CNOT4: variants seen among roughly 807,000 people sequenced by gnomAD.
CNOT4 encodes the protein CCR4-NOT transcription complex subunit 4.
In CNOT4, 8 loss-of-function variants were observed where a neutral mutation model predicts 73.8. That is an observed-to-expected ratio of 0.11 (90% CI 0.06 to 0.20). CNOT4 has a LOEUF of 0.20. CNOT4 is among the 10% of genes least tolerant of loss of function. The probability of loss-of-function intolerance (pLI) is 1.00; values close to 1 mark genes in which losing one functional copy is unlikely to be tolerated. For synonymous variants in CNOT4, 293 were observed against 321.1 expected (o/e 0.91, Z 0.94); for missense variants, 564 against 883.4 (o/e 0.64, Z 4.58).
chr7:135,491,172 G>A (rs1803085864), intron 1 of CNOT4, among the ~76,000 whole-genome samples: 1 of 152,172 alleles, frequency 6.6e-6, no homozygotes, highest in Non-Finnish European at 1.5e-5. Flanking sequence ...ATGTTTAAGA[G>A]CCATTCAACA....
chr7:135,455,137 A>C (rs2129486062), intron 1 of CNOT4, among the ~76,000 whole-genome samples: 1 of 151,914 alleles, frequency 6.6e-6, no homozygotes, highest in African/African-American at 2.4e-5. Flanking sequence ...AGCCAGGCAC[A>C]GTGGTGTGTG....
intron 1 of CNOT4, among the ~76,000 whole-genome samples, chr7:135,486,956 T>C (rs917228583): frequency 5.3e-5 from 8 of 152,116 alleles, no homozygotes; most frequent in African/African-American, 1.7e-4. Context: ...TCCAGAAAAT[T>C]AACAAGCAGT....
intron 2 of CNOT4, among the ~76,000 whole-genome samples, chr7:135,436,490 G>A (rs200647102): frequency 2.1e-5 from 3 of 141,820 alleles, no homozygotes. Context: ...AATGACTGGG[G>A]AACCAATTTC....
chr7:135,442,210 T>C (rs1799519433), intron 1 of CNOT4, among the ~76,000 whole-genome samples: 2 of 152,204 alleles, frequency 1.3e-5, no homozygotes, highest in African/African-American at 2.4e-5. Flanking sequence ...GCTTTTAAAA[T>C]AAGCTTTGAA....
At chr7:135,372,559 T>TTC (rs1436581200) in intron 10 of CNOT4, among the ~76,000 whole-genome samples, 2 of 151,302 alleles carry the variant, frequency 1.3e-5, no homozygotes, top group East Asian at 3.9e-4. Flanking sequence ...TACCATGTTT[T>TTC]TTTTTTTTTT....
intron 1 of CNOT4, among the ~76,000 whole-genome samples, chr7:135,465,647 G>C (rs767221311): frequency 5.3e-5 from 8 of 152,006 alleles, no homozygotes; most frequent in Non-Finnish European, 8.8e-5. Flanking sequence ...TGTCCAGTGG[G>C]ACAAGATATG....
chr7:135,469,664 G>A (rs184990560), intron 1 of CNOT4, among the ~76,000 whole-genome samples: 9 of 152,082 alleles, frequency 5.9e-5, no homozygotes, highest in African/African-American at 2.2e-4. Context: ...CTATGGTCCA[G>A]GGGAAAATAG....
intron 1 of CNOT4, among the ~76,000 whole-genome samples, chr7:135,499,271 CTAG>C (rs1563085716): frequency 6.6e-6 from 1 of 152,094 alleles, no homozygotes; most frequent in Non-Finnish European, 1.5e-5. Flanking sequence ...GCCTCTCCAA[CTAG>C]TAATGACAGC....
In CNOT4 at chr7:135,364,086, A is replaced by C; in HGVS notation, c.1628-20T>G. The C allele has an allele frequency of 6.6e-7, 1 of 1,520,458 alleles. No individual in the cohort carries two copies. Among genetic ancestry groups the C allele is most frequent in the Non-Finnish European group, 8.9e-7 (1 of 1,126,098 alleles). 94.2% of individuals were successfully genotyped at this position (1,520,458 alleles called of 1,614,324 possible). A position where few individuals can be genotyped will look rare whatever the true frequency, so the allele number is the denominator to read the frequency against. On this transcript the variant is annotated intron_variant, in intron 10 of 11. Coordinates refer to ENST00000541284, the MANE Select transcript of CNOT4 (RefSeq NM_001190850.2). The surrounding 1 kb of genome is among the most constrained non-coding windows in gnomAD (Gnocchi z 4.3). ...TGTTGTCTGGGAGATTTACCAACAA[A>C]AAAATGAAAGATAAAAAAAAATAAA...
chr7:135,414,293 CT>C (rs1797732556), intron 5 of CNOT4, 37 bp downstream of exon 5: 6 of 776,402 alleles, frequency 7.7e-6, no homozygotes, highest in Non-Finnish European at 1.1e-5. Flanking sequence ...TCTCGTCTTC[CT>C]TAAAAAAAAA....
chr7:135,475,773 T>A (rs1250939418), intron 1 of CNOT4, among the ~76,000 whole-genome samples: 1 of 152,028 alleles, frequency 6.6e-6, no homozygotes, highest in Non-Finnish European at 1.5e-5. Context: ...CAGCCACGCA[T>A]GGTGGTGCAC....
At chr7:135,395,497 G>T in intron 9 of CNOT4, 137 bp downstream of exon 9, 1 of 969,486 alleles carries the variant, frequency 1.0e-6, no homozygotes. Context: ...ATTCCATGTA[G>T]TTTAAATATT....
chr7:135,491,350 G>C (rs1404915813), intron 1 of CNOT4, among the ~76,000 whole-genome samples: 4 of 152,202 alleles, frequency 2.6e-5, no homozygotes, highest in East Asian at 1.9e-4. Context: ...CCAATGTTTA[G>C]AGGTAGGCAA....
chr7:135,472,345 C>T lies in CNOT4; in HGVS notation c.-92-33922G>A, dbSNP rs1438098835. Among the ~76,000 whole-genome samples, 9 of 148,246 alleles carry T rather than the reference C, an allele frequency of 6.1e-5. No individual in the cohort carries two copies. In the East Asian group the frequency reaches 1.2e-3, roughly 20 times the overall value. On this transcript the variant is annotated intron_variant, in intron 1 of 11. Coordinates refer to ENST00000541284, the MANE Select transcript of CNOT4 (RefSeq NM_001190850.2). ...ACAAAAAATTAGCCAGGCGTGGTGG[C>T]GGGCACCTGTAGTCCCAGCTACTCA...
Position 135,373,295 on chromosome 7 carries a change from G to C in CNOT4, c.1628-9229C>G, listed in dbSNP as rs1795321866. ...ACAGGAGAAAAGGCAGGGCAATGTA[G>C]TTCCATGTTCATTTTGCTTCCTTCT... On this transcript the variant is annotated intron_variant, in intron 10 of 11. Coordinates refer to ENST00000541284, the MANE Select transcript of CNOT4 (RefSeq NM_001190850.2). Among the ~76,000 whole-genome samples, 4 of 152,342 alleles carry C rather than the reference G, an allele frequency of 2.6e-5. No individual in the cohort carries two copies. The South Asian group carries it at 8.3e-4, about 32-fold the overall frequency.
At chr7:135,463,493 G>A (rs552634293) in intron 1 of CNOT4, among the ~76,000 whole-genome samples, 60 of 284 alleles carry the variant, frequency 0.21, no homozygotes, top group African/African-American at 0.31. Flanking sequence ...AGCCGAGATC[G>A]CGCCATGCAC....
intron 10 of CNOT4, among the ~76,000 whole-genome samples, chr7:135,379,228 T>C (rs1185661757): frequency 6.6e-6 from 1 of 152,174 alleles, no homozygotes; most frequent in Non-Finnish European, 1.5e-5. Flanking sequence ...CCTGAAAGCG[T>C]GTTATAAAAC....
intron 7 of CNOT4, among the ~76,000 whole-genome samples, chr7:135,409,398 C>A (rs917910819): frequency 6.6e-6 from 1 of 152,024 alleles, no homozygotes; most frequent in African/African-American, 2.4e-5. Context: ...CTTTATGTTT[C>A]GCTTTGTGGC....
In CNOT4 at chr7:135,380,859, T is replaced by C. The variant is rs115455329; in HGVS notation, c.1627+13059A>G. Among the ~76,000 whole-genome samples the C allele has an allele frequency of 7.8e-3, 1,183 of 152,288 alleles. 19 individuals carry two copies. The highest frequency in any genetic ancestry group is 0.027 in the African/African-American group (1,128 of 41,522). On this transcript the variant is annotated intron_variant, in intron 10 of 11. Transcript: ENST00000541284. ...TTTAAAAGGATTGTTAAAGACTATGTTATATTTATTTATTCATAGCTCTGA... is the reference window on the plus strand; with the variant it reads ...TTTAAAAGGATTGTTAAAGACTATGCTATATTTATTTATTCATAGCTCTGA...
Sources: allele counts gnomAD v4.1 joint callset (sites outside exome capture counted in the v4.1 genomes callset), GRCh38; gene constraint gnomAD v4.1.1; non-coding constraint Gnocchi (gnomAD v3.1); transcripts MANE v1.5; gene names NCBI Gene and HGNC (gene_info 2026-07-23, HGNC 2026-07-21).